The following CDC42BPA variants were observed in gnomAD, a reference collection of about 807,000 sequenced individuals.
CDC42BPA encodes the protein serine/threonine-protein kinase MRCK alpha.
In CDC42BPA, 80 loss-of-function variants were observed where a neutral mutation model predicts 223.5. The ratio of observed to expected loss-of-function variants is 0.36; its 90% CI spans 0.30 to 0.43. The LOEUF (loss-of-function observed/expected upper bound fraction) is 0.43. Among genes scored for constraint, CDC42BPA ranks in the 20% least tolerant of loss-of-function variants. CDC42BPA has a pLI of 1.00. For synonymous variants in CDC42BPA, 694 were observed against 718.6 expected (o/e 0.97, Z 0.55); for missense variants, 1,743 against 2,099.9 (o/e 0.83, Z 3.32).
chr1:227,254,566 T>C (rs570003030), intron 1 of CDC42BPA, among the ~76,000 whole-genome samples: 2 of 152,354 alleles, frequency 1.3e-5, no homozygotes, highest in East Asian at 3.9e-4. Flanking sequence ...CATGTTTCTT[T>C]CACGCTCATT....
In CDC42BPA at chr1:227,072,171, A is replaced by ATATTTATAAC. The variant is rs777750377; in HGVS notation, c.2827+36_2827+37insGTTATAAATA. 2.2e-4 allele frequency: 233 copies of ATATTTATAAC among 1,080,156 alleles called. 1 individual carries two copies. In the South Asian group the frequency reaches 3.0e-3, roughly 14 times the overall value. 66.9% of individuals were successfully genotyped at this position (1,080,156 alleles called of 1,614,324 possible). A position where few individuals can be genotyped will look rare whatever the true frequency, so the allele number is the denominator to read the frequency against. On this transcript the variant is annotated intron_variant, in intron 20 of 36. Transcript: ENST00000366766. Reference sequence around the variant, plus strand: ...TAATAAAATATATTTATAACATAACAGTAAGTCCTGAGTGAGGCAAACACA... The same window carrying ATATTTATAAC: ...TAATAAAATATATTTATAACATAACATATTTATAACGTAAGTCCTGAGTGAGGCAAACACA...
At chr1:227,296,754 C>T (rs562821752) in intron 1 of CDC42BPA, among the ~76,000 whole-genome samples, 1 of 139,648 alleles carries the variant, frequency 7.2e-6, no homozygotes, top group Non-Finnish European at 1.6e-5. Context: ...AAAGGGTAAA[C>T]CAATATGACA....
In CDC42BPA at chr1:227,317,511, TAAAA is replaced by T. The variant is rs35451914; in HGVS notation, c.-333_-330del. ...ACGAACTAGAGAGTCAACACTTCTT[TAAAA>T]AAAAAAAAAAAAACTCTTCTCCTTC... On this transcript the variant is annotated 5_prime_UTR_variant, in exon 1 of 37. It removes the in-frame stop codon of an upstream open reading frame in the 5' UTR. Transcript: ENST00000366766. 0.18 allele frequency: 69,671 copies of T among 380,072 alleles called. 3,948 individuals are homozygous for T. The highest frequency in any genetic ancestry group is 0.33 in the East Asian group (8,808 of 27,066). The allele number at this position is 380,072 out of a possible 1,614,324, so 23.5% of individuals were successfully genotyped here. A position where few individuals can be genotyped will look rare whatever the true frequency, so the allele number is the denominator to read the frequency against.
intron 23 of CDC42BPA, among the ~76,000 whole-genome samples, chr1:227,045,911 A>T (rs73089760): frequency 0.15 from 23,462 of 151,910 alleles, 2,199 homozygotes; most frequent in African/African-American, 0.25. Flanking sequence ...GGCTCAAGTG[A>T]TCCTCCCTCC....
chr1:227,152,158 A>G (rs1402300623), intron 6 of CDC42BPA, among the ~76,000 whole-genome samples: 1 of 152,008 alleles, frequency 6.6e-6, no homozygotes, highest in African/African-American at 2.4e-5. Context: ...ATTTGCAAAT[A>G]TTTTCTCTCA....
intron 1 of CDC42BPA, among the ~76,000 whole-genome samples, chr1:227,302,910 C>CT (rs201965985): frequency 0.093 from 14,061 of 151,340 alleles, 818 homozygotes; most frequent in Middle Eastern, 0.17. Context: ...TTTTCATTCT[C>CT]TTTTGCTCCT....
At chr1:227,130,617 G>A (rs909633285) in intron 10 of CDC42BPA, among the ~76,000 whole-genome samples, 1 of 152,162 alleles carries the variant, frequency 6.6e-6, no homozygotes, top group Non-Finnish European at 1.5e-5. Flanking sequence ...CGCTTTGGGA[G>A]GCCAAGGCAG....
chr1:227,252,347 C>T (rs1682169039), intron 2 of CDC42BPA, among the ~76,000 whole-genome samples: 1 of 152,022 alleles, frequency 6.6e-6, no homozygotes. Flanking sequence ...AAAACTAATA[C>T]ATACACAGAA....
chr1:227,235,789 T>C (rs955704), intron 2 of CDC42BPA, among the ~76,000 whole-genome samples: 30,257 of 152,092 alleles, frequency 0.2, 3,121 homozygotes, highest in East Asian at 0.26. Context: ...CCAGAGCATC[T>C]CCAGAGAGTA....
At chr1:227,022,047 A>T (rs1475214556) in intron 32 of CDC42BPA, among the ~76,000 whole-genome samples, 6 of 152,116 alleles carry the variant, frequency 3.9e-5, no homozygotes, top group Admixed American at 1.3e-4. Context: ...AAATAAAAAT[A>T]AAAATTAACT....
chr1:227,293,371 T>C (rs553692399), intron 1 of CDC42BPA, among the ~76,000 whole-genome samples: 118 of 152,114 alleles, frequency 7.8e-4, no homozygotes, highest in Non-Finnish European at 9.3e-4. Context: ...AAAAGAGAAT[T>C]AAACCAAACT....
At chr1:227,235,367 G>A (rs1421304793) in intron 2 of CDC42BPA, 2 of 152,180 alleles carry the variant, frequency 1.3e-5, no homozygotes, top group Non-Finnish European at 2.9e-5. Context: ...TTAGTATGTA[G>A]TCTGTCCAGC....
chr1:227,223,506 T>C (rs181193384), intron 2 of CDC42BPA, among the ~76,000 whole-genome samples: 8 of 152,242 alleles, frequency 5.3e-5, no homozygotes, highest in African/African-American at 1.4e-4. Context: ...GGGAAAGACA[T>C]TGGAAAGTTA....
At chr1:227,104,014 T>C (rs1009668037) in intron 14 of CDC42BPA, among the ~76,000 whole-genome samples, 1 of 152,092 alleles carries the variant, frequency 6.6e-6, no homozygotes, top group African/African-American at 2.4e-5. Flanking sequence ...GGTTAAATAG[T>C]TGCTGAAAAC....
intron 3 of CDC42BPA, among the ~76,000 whole-genome samples, chr1:227,209,797 A>C (rs2150338678): frequency 6.7e-6 from 1 of 150,368 alleles, no homozygotes; most frequent in Middle Eastern, 3.4e-3. Flanking sequence ...ATGTTCATCA[A>C]GGATATTGGT....
At chr1:227,175,812 G>C (rs1193039639) in intron 5 of CDC42BPA, among the ~76,000 whole-genome samples, 1 of 152,118 alleles carries the variant, frequency 6.6e-6, no homozygotes. Context: ...TCTAGATCTT[G>C]AGTCAGCAAT....
chr1:227,257,346 T>C (rs1683258432), intron 1 of CDC42BPA, among the ~76,000 whole-genome samples: 1 of 144,748 alleles, frequency 6.9e-6, no homozygotes, highest in African/African-American at 2.9e-5. Context: ...AATTTTGTTA[T>C]ATGTATTTTA....
At chr1:227,276,437 T>A (rs1427907186) in intron 1 of CDC42BPA, among the ~76,000 whole-genome samples, 1 of 151,196 alleles carries the variant, frequency 6.6e-6, no homozygotes, top group African/African-American at 2.4e-5. Context: ...AGCTGCCCCG[T>A]CCGGGAGGGA....
intron 11 of CDC42BPA, among the ~76,000 whole-genome samples, chr1:227,126,520 GTAAGA>G (rs141336565): frequency 0.027 from 2,325 of 86,038 alleles, 68 homozygotes; most frequent in African/African-American, 0.06. Flanking sequence ...AGGAAGGAAG[GTAAGA>G]AAGGAAAAAG....
Sources: allele counts gnomAD v4.1 joint callset (sites outside exome capture counted in the v4.1 genomes callset), GRCh38; gene constraint gnomAD v4.1.1; transcripts MANE v1.5; gene names NCBI Gene and HGNC (gene_info 2026-07-23, HGNC 2026-07-21).